The following PPARGC1A variants were observed in gnomAD, a reference collection of about 807,000 sequenced individuals.
The protein encoded by PPARGC1A is PPARG coactivator 1 alpha, also known as peroxisome proliferator-activated receptor gamma coactivator 1-alpha.
A neutral mutation model predicts 88.7 loss-of-function variants in PPARGC1A; 25 were observed. The ratio of observed to expected loss-of-function variants is 0.28; its 90% confidence interval spans 0.21 to 0.39. The LOEUF is 0.39. Ranked by LOEUF, PPARGC1A falls within the 10% of genes least tolerant of loss-of-function variation. The pLI, the probability that PPARGC1A is intolerant of heterozygous loss-of-function variation, is 1.00. For synonymous variants in PPARGC1A, 363 were observed against 355.6 expected (o/e 1.02, Z -0.24); for missense variants, 880 against 968.7 (o/e 0.91, Z 1.22).
At chr4:24,174,302 A>G in the PPARGC1A span, among the ~76,000 whole-genome samples, 1 of 152,200 alleles carries the variant, frequency 6.6e-6, no homozygotes, top group African/African-American at 2.4e-5. Context: ...CCTGACCATA[A>G]GAATCACCTG....
At chr4:24,011,887 C>T in the PPARGC1A span, among the ~76,000 whole-genome samples, 3 of 152,276 alleles carry the variant, frequency 2.0e-5, no homozygotes, top group African/African-American at 7.2e-5. Flanking sequence ...AAACTGCCAA[C>T]TTATCATATG....
At chr4:24,243,920 T>C in the PPARGC1A span, among the ~76,000 whole-genome samples, 2 of 152,176 alleles carry the variant, frequency 1.3e-5, no homozygotes, top group Non-Finnish European at 1.5e-5. Context: ...GATTCTACTT[T>C]CTCCTAAAGC....
At chr4:23,924,970 C>A in the PPARGC1A span, among the ~76,000 whole-genome samples, 1 of 152,206 alleles carries the variant, frequency 6.6e-6, no homozygotes, top group African/African-American at 2.4e-5. Flanking sequence ...CTTCAAGCAA[C>A]ACACATTATC....
At chr4:24,437,098 G>C in the PPARGC1A span, among the ~76,000 whole-genome samples, 18 of 152,248 alleles carry the variant, frequency 1.2e-4, no homozygotes, top group Non-Finnish European at 2.2e-4. Context: ...TTTCTTTCAA[G>C]ACTGGGCTTT....
chr4:23,925,605 G>A, the PPARGC1A span, among the ~76,000 whole-genome samples: 9 of 152,266 alleles, frequency 5.9e-5, no homozygotes, highest in East Asian at 1.7e-3. Flanking sequence ...TGAGGATGAT[G>A]AGAGAAAATG....
chr4:24,120,658 G>A, the PPARGC1A span, among the ~76,000 whole-genome samples: 1 of 152,128 alleles, frequency 6.6e-6, no homozygotes, highest in South Asian at 2.1e-4. Flanking sequence ...GGTATTGGGA[G>A]GTGGGGTCTT....
the PPARGC1A span, among the ~76,000 whole-genome samples, chr4:24,287,126 G>GTGCAT: frequency 2.6e-5 from 4 of 151,698 alleles, no homozygotes; most frequent in Non-Finnish European, 5.9e-5. Flanking sequence ...GGGCTGTCCT[G>GTGCAT]TGCATTATAG....
the PPARGC1A span, among the ~76,000 whole-genome samples, chr4:24,061,237 T>C: frequency 6.6e-6 from 1 of 152,102 alleles, no homozygotes; most frequent in South Asian, 2.1e-4. Flanking sequence ...CAGCCTTAAG[T>C]GGGTGAATGT....
the PPARGC1A span, among the ~76,000 whole-genome samples, chr4:24,161,635 A>G: frequency 6.6e-6 from 1 of 152,162 alleles, no homozygotes; most frequent in Admixed American, 6.5e-5. Flanking sequence ...GAGTAGTATA[A>G]GAGGGTTTTC....
chr4:24,302,841 G>A, the PPARGC1A span, among the ~76,000 whole-genome samples: 1 of 152,162 alleles, frequency 6.6e-6, no homozygotes, highest in Non-Finnish European at 1.5e-5. Flanking sequence ...TTACTGCCTG[G>A]GGACATAGAC....
At chr4:24,276,056 T>C in the PPARGC1A span, among the ~76,000 whole-genome samples, 7,904 of 152,270 alleles carry the variant, frequency 0.052, 307 homozygotes, top group East Asian at 0.18. Flanking sequence ...TTACACCCTA[T>C]AGCTGAACGC....
intron 1 of PPARGC1A, among the ~76,000 whole-genome samples, chr4:23,897,182 C>A (rs1447251332): frequency 6.6e-6 from 1 of 152,192 alleles, no homozygotes; most frequent in African/African-American, 2.4e-5. Flanking sequence ...GCAGATCATT[C>A]TTCCTACACA....
intron 2 of PPARGC1A, among the ~76,000 whole-genome samples, chr4:23,842,366 A>G (rs1259983598): frequency 6.6e-6 from 1 of 151,846 alleles, no homozygotes; most frequent in Non-Finnish European, 1.5e-5. Context: ...TTCTATCCCT[A>G]CTCAAAGCCT....
At chr4:24,457,693 C>T in the PPARGC1A span, among the ~76,000 whole-genome samples, 3 of 151,952 alleles carry the variant, frequency 2.0e-5, no homozygotes, top group Admixed American at 6.6e-5. Context: ...TACAGGCACC[C>T]GACACCACGC....
At chr4:24,276,754 A>G in the PPARGC1A span, among the ~76,000 whole-genome samples, 2 of 152,238 alleles carry the variant, frequency 1.3e-5, no homozygotes, top group Non-Finnish European at 2.9e-5. Context: ...CTCTTATCAG[A>G]TGATGTCTTG....
the PPARGC1A span, among the ~76,000 whole-genome samples, chr4:24,129,807 T>G: frequency 6.6e-6 from 1 of 152,168 alleles, no homozygotes; most frequent in African/African-American, 2.4e-5. Flanking sequence ...CATGGAATAC[T>G]ATGCAGCCAT....
chr4:24,369,170 A>G, the PPARGC1A span, among the ~76,000 whole-genome samples: 1 of 152,218 alleles, frequency 6.6e-6, no homozygotes, highest in Admixed American at 6.5e-5. Flanking sequence ...GAGAACATGG[A>G]TAACGGTCAC....
At chr4:24,436,825 C>T in the PPARGC1A span, among the ~76,000 whole-genome samples, 6 of 146,232 alleles carry the variant, frequency 4.1e-5, no homozygotes, top group African/African-American at 1.6e-4. Flanking sequence ...GCCCGGGTCA[C>T]AGAGCTGACA....
chr4:24,175,516 A>G, the PPARGC1A span, among the ~76,000 whole-genome samples: 2 of 144,018 alleles, frequency 1.4e-5, no homozygotes, highest in Non-Finnish European at 3.0e-5. Context: ...CTGGGATTAC[A>G]GGTGCCCACC....
Sources: allele counts gnomAD v4.1 joint callset (sites outside exome capture counted in the v4.1 genomes callset), GRCh38; gene constraint gnomAD v4.1.1; transcripts MANE v1.5; gene names NCBI Gene and HGNC (gene_info 2026-07-23, HGNC 2026-07-21).